CEMIP2: variants seen among roughly 807,000 people sequenced by gnomAD.
CEMIP2 encodes the protein cell surface hyaluronidase CEMIP2.
CEMIP2 carries 79 observed loss-of-function variants against 146.9 expected under a neutral mutation model. That is an observed-to-expected ratio of 0.54 (90% CI 0.45 to 0.65). CEMIP2 has a LOEUF of 0.65. Among genes scored for constraint, CEMIP2 ranks in the 30% least tolerant of loss-of-function variants. The probability of loss-of-function intolerance (pLI) is 0.00; values close to 1 mark genes in which losing one functional copy is unlikely to be tolerated. For missense variants in CEMIP2, 1,596 were observed against 1,696.2 expected (o/e 0.94, Z 1.04); for synonymous variants, 601 against 606.3 (o/e 0.99, Z 0.13).
At chr9:71,739,072 C>A (rs184199052) in intron 5 of CEMIP2, among the ~76,000 whole-genome samples, 1 of 152,222 alleles carries the variant, frequency 6.6e-6, no homozygotes, top group Admixed American at 6.5e-5. Context: ...AGAAAATTTT[C>A]TACCTCTTCC....
chr9:71,746,229 G>A lies in CEMIP2; in HGVS notation c.444C>T (p.Thr148=), dbSNP rs113371394. Residue 148 remains threonine, a synonymous_variant, in exon 3 of 24, where the codon ACC becomes ACT. Transcript: ENST00000377044. ...GDMLRLTSDA[T]VHSIVIQDGG... ...CATCCTGAATGACTATAGAATGCAC[G>A]GTGGCGTCTGAGGTCAGACGGAGCA... The A allele has an allele frequency of 3.7e-6, 6 of 1,613,834 alleles. No individual in the cohort carries two copies. The highest frequency in any genetic ancestry group is 5.1e-6 in the Non-Finnish European group (6 of 1,179,822).
chr9:71,732,051 G>A (rs563881254), intron 7 of CEMIP2, among the ~76,000 whole-genome samples: 1 of 151,974 alleles, frequency 6.6e-6, no homozygotes, highest in African/African-American at 2.4e-5. Context: ...TACCAACCAA[G>A]AGCCTTCAGT....
chr9:71,723,102 G>A (rs1188955436), intron 11 of CEMIP2, among the ~76,000 whole-genome samples: 1 of 132,154 alleles, frequency 7.6e-6, no homozygotes. Context: ...TTGTACAAAC[G>A]TCTAGAGATG....
At chr9:71,723,554 T>C (rs1213226417) in intron 11 of CEMIP2, among the ~76,000 whole-genome samples, 1 of 152,168 alleles carries the variant, frequency 6.6e-6, no homozygotes, top group East Asian at 1.9e-4. Context: ...AGCTCATATA[T>C]TTTTGGTTCA....
At position 71,683,424 on chromosome 9, in the gene CEMIP2, C is replaced by G. The variant is rs1411417317; in HGVS notation, c.*1773G>C. ...AGGCCCTGATTATTAGTATATAAAA[C>G]AGAAAAACCAAGTGCCTTGGTAATT... On this transcript the variant is annotated 3_prime_UTR_variant, in exon 24 of 24. Coordinates refer to ENST00000377044, the MANE Select transcript of CEMIP2 (RefSeq NM_013390.3). 1 of 151,648 alleles carries G rather than the reference C, an allele frequency of 6.6e-6. No homozygotes were observed. Among genetic ancestry groups the G allele is most frequent in the Non-Finnish European group, 1.5e-5 (1 of 67,848 alleles). 9.4% of individuals were successfully genotyped at this position (151,648 alleles called of 1,614,324 possible). A position where few individuals can be genotyped will look rare whatever the true frequency, so the allele number is the denominator to read the frequency against.
chr9:71,705,848 G>T (rs1027795264), intron 17 of CEMIP2, among the ~76,000 whole-genome samples: 2 of 151,692 alleles, frequency 1.3e-5, no homozygotes, highest in Non-Finnish European at 2.9e-5. Context: ...TACATACACT[G>T]CATATCTGTC....
intron 1 of CEMIP2, among the ~76,000 whole-genome samples, chr9:71,762,008 G>T (rs1254059267): frequency 6.9e-6 from 1 of 144,252 alleles, no homozygotes; most frequent in Non-Finnish European, 1.5e-5. Context: ...TTTAAATGAC[G>T]ACACGTTGCC....
chr9:71,690,727 T>C (rs1167279572), intron 21 of CEMIP2, among the ~76,000 whole-genome samples: 1 of 152,250 alleles, frequency 6.6e-6, no homozygotes, highest in African/African-American at 2.4e-5. Context: ...TTTATATTTG[T>C]AGTTTGCTAC....
intron 21 of CEMIP2, 56 bp from the exon 22 acceptor site, chr9:71,690,302 A>T: frequency 6.3e-7 from 1 of 1,583,014 alleles, no homozygotes; most frequent in Non-Finnish European, 8.6e-7. Context: ...CATCTGCAGG[A>T]TGACTCATTT....
intron 8 of CEMIP2, 47 bp from the exon 9 acceptor site, chr9:71,730,300 G>A: frequency 6.4e-7 from 1 of 1,565,380 alleles, no homozygotes; most frequent in East Asian, 2.3e-5. Context: ...AAGAATGATT[G>A]TGATTTAAGT....
In CEMIP2 at chr9:71,716,599, G is replaced by A. The variant is rs763458589; in HGVS notation, c.2400-47C>T. On this transcript the variant is annotated intron_variant, in intron 13 of 23. Coordinates refer to ENST00000377044, the MANE Select transcript of CEMIP2 (RefSeq NM_013390.3). ...AGAACATTTTAATTTACCATATTAT[G>A]TAAAAAGAGGTAATTCTCTCAATAT... 2.1e-6 allele frequency: 3 copies of A among 1,413,342 alleles called. No homozygotes were observed. The South Asian group carries it at 3.8e-5, about 18-fold the overall frequency. The allele number at this position is 1,413,342 out of a possible 1,614,324, so 87.6% of individuals were successfully genotyped here.
intron 6 of CEMIP2, among the ~76,000 whole-genome samples, chr9:71,734,208 G>GGTTTTTTTTTTTTTTT (rs374206725): frequency 2.1e-5 from 3 of 144,134 alleles, no homozygotes; most frequent in Admixed American, 6.9e-5. Context: ...ATGAGTTTTT[G>GGTTTTTTTTTTTTTTT]TTTTTGTTTT....
At chr9:71,768,113 G>C (rs1824854969) in intron 1 of CEMIP2, among the ~76,000 whole-genome samples, 1 of 152,244 alleles carries the variant, frequency 6.6e-6, no homozygotes, top group South Asian at 2.1e-4. Flanking sequence ...CTTAAGAAGA[G>C]AGGACTGACT....
chr9:71,701,578 A>G (rs1026657946), intron 18 of CEMIP2, among the ~76,000 whole-genome samples: 1 of 152,142 alleles, frequency 6.6e-6, no homozygotes, highest in Non-Finnish European at 1.5e-5. Context: ...AGCATTCTAA[A>G]TAATTTTTTT....
intron 17 of CEMIP2, 175 bp from the exon 18 acceptor site, chr9:71,704,978 T>A: frequency 1.6e-6 from 1 of 607,810 alleles, no homozygotes; most frequent in Non-Finnish European, 2.9e-6. Context: ...GCAGCCTACT[T>A]AAACTAGAAA....
In CEMIP2 at chr9:71,699,257, C is replaced by A. The variant is rs1589130386; in HGVS notation, c.3378-1053G>T. ...AGTGGGAATCTGGAAGTTCTATCAT[C>A]TACAGAATGAAAGTCCAGGTAGTTG... On this transcript the variant is annotated intron_variant, in intron 19 of 23. Transcript: ENST00000377044. 29 of 217,074 alleles carry A rather than the reference C, an allele frequency of 1.3e-4. No individual in the cohort carries two copies. The South Asian group carries it at 1.7e-3, about 13-fold the overall frequency. 13.4% of individuals were successfully genotyped at this position (217,074 alleles called of 1,614,324 possible).
rs1317088789 is a variant in CEMIP2 at position 71,700,677 on chromosome 9, T to C, written c.3342A>G (p.Gln1114=). 2 of 1,608,386 alleles carry C rather than the reference T, an allele frequency of 1.2e-6. No individual in the cohort carries two copies. The highest frequency in any genetic ancestry group is 2.2e-5 in the East Asian group (1 of 44,796). ...VHSLEELQRK[Q]SERKFYFDSS... The stretch of plus-strand genomic sequence containing the variant: ...AGTCAAAATAGAATTTCCTCTCGGA[T>C]TGCTTTCTTTGCAGTTCTTCCAGTG... The change falls in exon 19 of 24, where the codon CAA becomes CAG. Residue 1114 remains glutamine, a synonymous_variant. Coordinates refer to ENST00000377044, the MANE Select transcript of CEMIP2 (RefSeq NM_013390.3).
intron 11 of CEMIP2, among the ~76,000 whole-genome samples, chr9:71,724,710 G>A (rs1201666459): frequency 2.0e-5 from 3 of 152,102 alleles, no homozygotes; most frequent in Non-Finnish European, 2.9e-5. Flanking sequence ...ATGGCCTTTA[G>A]GTTACTTGAT....
chr9:71,741,717 C>A (rs1179339911), intron 4 of CEMIP2, among the ~76,000 whole-genome samples: 2 of 144,304 alleles, frequency 1.4e-5, no homozygotes, highest in Non-Finnish European at 3.0e-5. Context: ...CGGCTCACCA[C>A]AACCTCCACC....
Sources: allele counts gnomAD v4.1 joint callset (sites outside exome capture counted in the v4.1 genomes callset), GRCh38; gene constraint gnomAD v4.1.1; transcripts MANE v1.5; gene names NCBI Gene and HGNC (gene_info 2026-07-23, HGNC 2026-07-21).